MBP: variants seen among roughly 807,000 people sequenced by gnomAD.
The protein encoded by MBP is Golli-MBP.
Under a neutral mutation model 35.8 loss-of-function variants are expected in MBP, and 16 were observed. That is an observed-to-expected ratio of 0.45 (90% CI 0.30 to 0.68). The LOEUF is 0.68. Ranked by LOEUF, MBP falls within the 30% of genes least tolerant of loss-of-function variation. MBP has a pLI of 0.08. For missense variants in MBP, 380 were observed against 404.7 expected, an observed-to-expected ratio of 0.94 and a Z score of 0.52; for synonymous variants, 143 against 159.6, an observed-to-expected ratio of 0.90 and a Z score of 0.78.
At position 76,992,371 on chromosome 18, in the gene MBP, G is replaced by A. The variant is rs143643965; in HGVS notation, c.577-2311C>T. Among the ~76,000 whole-genome samples, 230 of 152,252 alleles carry A rather than the reference G, an allele frequency of 1.5e-3. 2 individuals carry two copies. The highest frequency in any genetic ancestry group is 0.01 in the Admixed American group (155 of 15,294). On this transcript the variant is annotated intron_variant, in intron 4 of 8. Transcript: ENST00000355994. Reference sequence around the variant, plus strand: ...TCTGGTGCCGCTGGCCTGACAGGAGGCAGAGCTCAGGAGATAATCTCACTC... The same window carrying A: ...TCTGGTGCCGCTGGCCTGACAGGAGACAGAGCTCAGGAGATAATCTCACTC...
rs760538407 is a variant in MBP, at chr18:76,980,363, G to A, written c.*64C>T. The A allele has an allele frequency of 2.3e-5, 33 of 1,442,006 alleles. No individual in the cohort carries two copies. In the South Asian group the frequency reaches 3.3e-4, roughly 14 times the overall value. The allele number at this position is 1,442,006 out of a possible 1,614,324, so 89.3% of individuals were successfully genotyped here. A position where few individuals can be genotyped will look rare whatever the true frequency, so the allele number is the denominator to read the frequency against. ...CTAATTAGGTAACAGGGGCAAGTGG[G>A]ATTAAAGTTTTAAGGCAGTTATATT... On this transcript the variant is annotated 3_prime_UTR_variant, in exon 9 of 9. Coordinates refer to ENST00000355994, the MANE Select transcript of MBP (RefSeq NM_001025101.2).
chr18:76,989,671 C>T lies in MBP; in HGVS notation c.681+285G>A. On this transcript the variant is annotated intron_variant, in intron 5 of 8. Coordinates refer to ENST00000355994, the MANE Select transcript of MBP (RefSeq NM_001025101.2). The surrounding 1 kb of genome is among the most constrained non-coding windows in gnomAD (Gnocchi z 4.0). ...CAAGCACTCTCCATAGGTTGCAAAGCCTGTGTTTTTAGGCTAAGCGTTACA... is the reference window on the plus strand; with the variant it reads ...CAAGCACTCTCCATAGGTTGCAAAGTCTGTGTTTTTAGGCTAAGCGTTACA... 1 of 382,888 alleles carries T rather than the reference C, an allele frequency of 2.6e-6. No individual in the cohort carries two copies. Among genetic ancestry groups the T allele is most frequent in the Non-Finnish European group, 4.8e-6 (1 of 206,772 alleles). The allele number at this position is 382,888 out of a possible 1,614,324, so 23.7% of individuals were successfully genotyped here. A position where few individuals can be genotyped will look rare whatever the true frequency, so the allele number is the denominator to read the frequency against.
At chr18:77,050,512 T>C (rs7237128) in intron 3 of MBP, among the ~76,000 whole-genome samples, 35,652 of 152,008 alleles carry the variant, frequency 0.23, 4,302 homozygotes, top group South Asian at 0.34. Flanking sequence ...CTGAGCTGTG[T>C]GCCTCGCAGG....
At chr18:77,060,473 G>T (rs57069317) in intron 3 of MBP, among the ~76,000 whole-genome samples, 2 of 123,752 alleles carry the variant, frequency 1.6e-5, no homozygotes, top group East Asian at 2.2e-4. Flanking sequence ...TTTTTTATGA[G>T]GCGGAGTTTT....
chr18:77,072,982 C>T (rs1226429922), intron 2 of MBP, among the ~76,000 whole-genome samples: 1 of 152,208 alleles, frequency 6.6e-6, no homozygotes, highest in Non-Finnish European at 1.5e-5. Context: ...TGAATCTTCG[C>T]CCACTGCCAT....
chr18:76,995,192 G>A (rs1970203201), intron 4 of MBP, among the ~76,000 whole-genome samples: 1 of 152,206 alleles, frequency 6.6e-6, no homozygotes, highest in Non-Finnish European at 1.5e-5. Context: ...AGAAATCAAA[G>A]TGAACTTATA....
At chr18:77,096,639 C>A (rs763290077) in intron 2 of MBP, among the ~76,000 whole-genome samples, 2 of 152,046 alleles carry the variant, frequency 1.3e-5, no homozygotes, top group Non-Finnish European at 2.9e-5. Context: ...TTTGTAGAAC[C>A]TTTTTGAGCC....
chr18:76,979,520 A>G lies in MBP; in HGVS notation c.*907T>C, dbSNP rs559875588. 2.8e-5 allele frequency: 5 copies of G among 178,800 alleles called. No individual in the cohort carries two copies. Among genetic ancestry groups the G allele is most frequent in the South Asian group, 1.3e-4 (1 of 7,908 alleles). 11.1% of individuals were successfully genotyped at this position (178,800 alleles called of 1,614,324 possible). On this transcript the variant is annotated 3_prime_UTR_variant, in exon 9 of 9. Coordinates refer to ENST00000355994, the MANE Select transcript of MBP (RefSeq NM_001025101.2). ...GACTGGCGCGGCTGCGAGGCTGTCTAGAGGACTCCTACCCTTCTGCTCTGA... is the reference window on the plus strand; with the variant it reads ...GACTGGCGCGGCTGCGAGGCTGTCTGGAGGACTCCTACCCTTCTGCTCTGA...
At chr18:77,048,953 T>C (rs1457002793) in intron 3 of MBP, among the ~76,000 whole-genome samples, 1 of 149,484 alleles carries the variant, frequency 6.7e-6, no homozygotes, top group Non-Finnish European at 1.5e-5. Flanking sequence ...GGAGTCTCGC[T>C]CTGTCACCCA....
intron 3 of MBP, among the ~76,000 whole-genome samples, chr18:77,018,345 C>G (rs1971766907): frequency 7.0e-6 from 1 of 143,456 alleles, no homozygotes. Flanking sequence ...TCCATCTATC[C>G]ATCCATCCAT....
At chr18:77,063,577 T>A (rs1378985565) in intron 3 of MBP, among the ~76,000 whole-genome samples, 1 of 152,214 alleles carries the variant, frequency 6.6e-6, no homozygotes, top group African/African-American at 2.4e-5. Context: ...TCGGCAGATA[T>A]GCGAGCCTTG....
rs180889497 is a variant in MBP, at chr18:77,074,704, T to C, written c.52-8319A>G. On this transcript the variant is annotated intron_variant, in intron 2 of 8. Transcript: ENST00000355994. ...GGCGGAACCAAAGTCCACGATTTCA[T>C]GGGAAATCGATTCCCAGACACAGCC... 3.7e-3 allele frequency among the ~76,000 whole-genome samples: 559 copies of C among 152,256 alleles called. 4 individuals are homozygous for C. Among genetic ancestry groups the C allele is most frequent in the Non-Finnish European group, 5.2e-3 (354 of 68,006 alleles).
At chr18:77,052,763 G>A (rs1391212424) in intron 3 of MBP, among the ~76,000 whole-genome samples, 1 of 152,082 alleles carries the variant, frequency 6.6e-6, no homozygotes, top group African/African-American at 2.4e-5. Flanking sequence ...TGGGATTTGT[G>A]ACTCCTGATG....
intron 1 of MBP, among the ~76,000 whole-genome samples, chr18:77,124,847 A>G (rs1977000162): frequency 2.0e-5 from 3 of 152,198 alleles, no homozygotes; most frequent in African/African-American, 2.4e-5. Context: ...GGCAGCCAAG[A>G]AGGAAAAAGG....
rs1176340270 is a variant in MBP at position 77,065,417 on chromosome 18, C to A, written c.139+881G>T. ...TAGGTCTCTGCTCCTAGTTACATCC[C>A]AAAGGCCCCACGTCCAATTAACATA... On this transcript the variant is annotated intron_variant, in intron 3 of 8. Transcript: ENST00000355994. Among the ~76,000 whole-genome samples, 3 of 152,148 alleles carry A rather than the reference C, an allele frequency of 2.0e-5. No individual in the cohort carries two copies. In the East Asian group the frequency reaches 5.8e-4, roughly 29 times the overall value.
In MBP at chr18:77,017,075, G is replaced by A. The variant is rs754587261; in HGVS notation, c.333C>T (p.Pro111=). 1.5e-5 allele frequency: 24 copies of A among 1,611,544 alleles called. No individual in the cohort carries two copies. In the South Asian group the frequency reaches 2.2e-4, roughly 15 times the overall value. ...TGGTCTGGAGCTCGTCGGACTCAGA[G>A]GGCCTGTCTTTGAAGGTGTTGTCCT... is the stretch of plus-strand genomic sequence containing the variant. The part of the protein sequence containing the change: ...GREDNTFKDR[P]SESDELQTIQ... Residue 111 remains proline, a synonymous_variant, in exon 4 of 9, where the codon CCC becomes CCT. Coordinates refer to ENST00000355994, the MANE Select transcript of MBP (RefSeq NM_001025101.2).
intron 2 of MBP, among the ~76,000 whole-genome samples, chr18:77,080,420 T>C (rs947970526): frequency 6.6e-6 from 1 of 152,054 alleles, no homozygotes; most frequent in Non-Finnish European, 1.5e-5. Context: ...GCATCTGGGG[T>C]GGATGATTGT....
chr18:76,987,483 A>C, intron 7 of MBP: 2 of 985,622 alleles, frequency 2.0e-6, no homozygotes, highest in Non-Finnish European at 1.2e-6. Context: ...TGGTCTCTCA[A>C]GTACCCTGCC....
intron 3 of MBP, among the ~76,000 whole-genome samples, chr18:77,032,627 G>A (rs1430125554): frequency 2.0e-5 from 3 of 152,208 alleles, no homozygotes; most frequent in East Asian, 3.9e-4. Context: ...CCTTCAGCGC[G>A]GTGACAGTCC....
Sources: allele counts gnomAD v4.1 joint callset (sites outside exome capture counted in the v4.1 genomes callset), GRCh38; gene constraint gnomAD v4.1.1; non-coding constraint Gnocchi (gnomAD v3.1); transcripts MANE v1.5; gene names NCBI Gene and HGNC (gene_info 2026-07-23, HGNC 2026-07-21).